ODAPH: variants seen among roughly 807,000 people sequenced by gnomAD.
ODAPH encodes amelogenesis imperfecta type IIA4.
Under a neutral mutation model 2.8 loss-of-function variants are expected in ODAPH, and 2 were observed. The observed-to-expected ratio is 0.72, with a 90% CI of 0.30 to 2.28. The LOEUF (loss-of-function observed/expected upper bound fraction) is 2.28, where lower values mean the gene tolerates loss of function less well. ODAPH is among the 30% of genes most tolerant of loss of function. ODAPH has a pLI of 0.13. For synonymous variants in ODAPH, 75 were observed against 60.3 expected, an observed-to-expected ratio of 1.24 and a Z score of -1.13; for missense variants, 159 against 163.3, an observed-to-expected ratio of 0.97 and a Z score of 0.14.
In ODAPH at chr4:75,564,461, T is replaced by C. The variant is rs1410730483; in HGVS notation, c.*22T>C. On this transcript the variant is annotated 3_prime_UTR_variant, in exon 2 of 2. Coordinates refer to ENST00000311623, the MANE Select transcript of ODAPH (RefSeq NM_178497.5). Reference sequence around the variant, plus strand: ...CTGAGAGGGAAGAGAAACCCAAACATACTGAAGCAAAAAAAAGCCTATCCT... The same window carrying C: ...CTGAGAGGGAAGAGAAACCCAAACACACTGAAGCAAAAAAAAGCCTATCCT... The C allele has an allele frequency of 3.7e-6, 6 of 1,613,606 alleles. No homozygotes were observed. The African/African-American group carries it at 6.7e-5, about 18-fold the overall frequency.
chr4:75,564,766 C>T lies in ODAPH; in HGVS notation c.*327C>T, dbSNP rs1191493606. On this transcript the variant is annotated 3_prime_UTR_variant, in exon 2 of 2. Transcript: ENST00000311623. ...ACTAAGATGCTGAGAGAATCCATCT[C>T]CTCCTCTAAATTAAACAGGATTTAA... The T allele has an allele frequency of 7.7e-6, 4 of 518,760 alleles. No homozygotes were observed. The highest frequency in any genetic ancestry group is 4.4e-5 in the South Asian group (2 of 45,528). 32.1% of individuals were successfully genotyped at this position (518,760 alleles called of 1,614,324 possible).
chr4:75,556,194 A>G lies in ODAPH; in HGVS notation c.67+45A>G, dbSNP rs1727332808. The G allele has an allele frequency of 2.5e-6, 4 of 1,580,054 alleles. No homozygotes were observed. The South Asian group carries it at 4.4e-5, about 17-fold the overall frequency. ...TCTACTGTGGGTCCACTAATTAATAAGTTGTAGGAAAAGACAAAACTGGCT... is the reference window on the plus strand; with the variant it reads ...TCTACTGTGGGTCCACTAATTAATAGGTTGTAGGAAAAGACAAAACTGGCT... On this transcript the variant is annotated intron_variant, in intron 1 of 1. Coordinates refer to ENST00000311623, the MANE Select transcript of ODAPH (RefSeq NM_178497.5).
At chr4:75,559,504 T>C (rs1727477702) in intron 1 of ODAPH, among the ~76,000 whole-genome samples, 1 of 152,226 alleles carries the variant, frequency 6.6e-6, no homozygotes, top group East Asian at 1.9e-4. Flanking sequence ...GTTCACCCAG[T>C]TATGAAATGG....
chr4:75,559,802 G>A lies in ODAPH; in HGVS notation c.67+3653G>A, dbSNP rs1027142045. Among the ~76,000 whole-genome samples, 3 of 152,194 alleles carry A rather than the reference G, an allele frequency of 2.0e-5. No individual in the cohort carries two copies. In the South Asian group the frequency reaches 6.2e-4, roughly 32 times the overall value. On this transcript the variant is annotated intron_variant, in intron 1 of 1. Transcript: ENST00000311623. ...TCTCAATCAATTCAATTGTACTGGA[G>A]GCACCGTGCTAGGGATGAGGAGGCA...
Position 75,564,161 on chromosome 4 carries a change from G to T in ODAPH, c.115G>T (p.Asp39Tyr). ...TCCTGGAGATTCACAAAATAATGCG[G>T]ACGCTACCGACTGCCAGATCTTTAC... Reference protein sequence around the residue: ...TPPGDSQNNADATDCQIFTLT... With the variant: ...TPPGDSQNNAYATDCQIFTLT... Residue 39 changes from aspartate (D) to tyrosine (Y), a missense_variant, in exon 2 of 2, where the codon GAC becomes TAC. Physicochemically the swap from Asp to Tyr is radical, Grantham distance 160. Transcript: ENST00000311623. 6.2e-7 allele frequency: 1 copy of T among 1,614,172 alleles called. No homozygotes were observed. Among genetic ancestry groups the T allele is most frequent in the Non-Finnish European group, 8.5e-7 (1 of 1,180,044 alleles).
chr4:75,565,889 T>C (rs1727796815), downstream of ODAPH: 1 of 152,208 alleles, frequency 6.6e-6, no homozygotes, highest in African/African-American at 2.4e-5. Context: ...AAAAAAACTA[T>C]TTAATTCACA....
At chr4:75,561,090 G>A (rs1727550295) in intron 1 of ODAPH, among the ~76,000 whole-genome samples, 1 of 152,086 alleles carries the variant, frequency 6.6e-6, no homozygotes. Context: ...CGGGCGTGGT[G>A]GCGCGCGCCT....
chr4:75,558,782 G>A (rs1175388126), intron 1 of ODAPH, among the ~76,000 whole-genome samples: 2 of 152,078 alleles, frequency 1.3e-5, no homozygotes, highest in East Asian at 3.9e-4. Context: ...TGCAACCTCC[G>A]CCTCCTGGGT....
At chr4:75,559,295 A>T (rs998521847) in intron 1 of ODAPH, among the ~76,000 whole-genome samples, 6 of 152,236 alleles carry the variant, frequency 3.9e-5, no homozygotes, top group African/African-American at 1.4e-4. Context: ...AGGCTAACAG[A>T]ATGTTTCCAT....
downstream of ODAPH, chr4:75,565,472 T>G (rs573623022): frequency 6.6e-6 from 1 of 152,294 alleles, no homozygotes; most frequent in Admixed American, 6.5e-5. Flanking sequence ...AAATGCCTGA[T>G]TAAACTGCTA....
chr4:75,557,421 C>T (rs1425255604), intron 1 of ODAPH, among the ~76,000 whole-genome samples: 2 of 152,166 alleles, frequency 1.3e-5, no homozygotes, highest in African/African-American at 4.8e-5. Flanking sequence ...GGGCAGATCA[C>T]CTGAGGTCGG....
chr4:75,564,538 A>G lies in ODAPH; in HGVS notation c.*99A>G, dbSNP rs1385637507. 16 of 1,601,534 alleles carry G rather than the reference A, an allele frequency of 1.0e-5. No homozygotes were observed. The highest frequency in any genetic ancestry group is 1.4e-5 in the Non-Finnish European group (16 of 1,176,168). On this transcript the variant is annotated 3_prime_UTR_variant, in exon 2 of 2. Coordinates refer to ENST00000311623, the MANE Select transcript of ODAPH (RefSeq NM_178497.5). ...TGTTTTATCTTTCGAAACTAAAACTATTGGATTTGAAGATTAAGTATCCTA... is the reference window on the plus strand; with the variant it reads ...TGTTTTATCTTTCGAAACTAAAACTGTTGGATTTGAAGATTAAGTATCCTA...
chr4:75,561,833 G>A (rs1179499417), intron 1 of ODAPH, among the ~76,000 whole-genome samples: 1 of 152,120 alleles, frequency 6.6e-6, no homozygotes, highest in African/African-American at 2.4e-5. Context: ...GGGAACAGAT[G>A]GAGACTCCGT....
chr4:75,564,584 G>A lies in ODAPH; in HGVS notation c.*145G>A. 3.3e-6 allele frequency: 5 copies of A among 1,520,838 alleles called. No homozygotes were observed. Among genetic ancestry groups the A allele is most frequent in the Non-Finnish European group, 4.4e-6 (5 of 1,134,132 alleles). 94.2% of individuals were successfully genotyped at this position (1,520,838 alleles called of 1,614,324 possible). Reference sequence around the variant, plus strand: ...TCCTAAACATCACTGACTAGAAACTGTTCTCTTTGTCAGCAGTGAAGATAT... The same window carrying A: ...TCCTAAACATCACTGACTAGAAACTATTCTCTTTGTCAGCAGTGAAGATAT... On this transcript the variant is annotated 3_prime_UTR_variant, in exon 2 of 2. Coordinates refer to ENST00000311623, the MANE Select transcript of ODAPH (RefSeq NM_178497.5).
At chr4:75,561,497 T>C (rs1344552726) in intron 1 of ODAPH, among the ~76,000 whole-genome samples, 1 of 151,952 alleles carries the variant, frequency 6.6e-6, no homozygotes, top group African/African-American at 2.4e-5. Flanking sequence ...TGGAGGTAGA[T>C]TGATTATTAT....
intron 1 of ODAPH, among the ~76,000 whole-genome samples, chr4:75,561,781 A>C (rs1237388044): frequency 6.6e-6 from 1 of 151,842 alleles, no homozygotes; most frequent in Non-Finnish European, 1.5e-5. Context: ...CAGGAGGTGG[A>C]GGCTGCAGTG....
chr4:75,556,616 T>C, intron 1 of ODAPH: 2 of 1,503,630 alleles, frequency 1.3e-6, no homozygotes, highest in Non-Finnish European at 1.8e-6. Context: ...ATTGCTTTAA[T>C]TAATCACATC....
rs182522102 is a variant in ODAPH at position 75,559,106 on chromosome 4, C to T, written c.67+2957C>T. ...ATTCAAGGTCGGCCTGACCATTTAA[C>T]TCATCAAGTATTTACTGAGCACCAC... On this transcript the variant is annotated intron_variant, in intron 1 of 1. Transcript: ENST00000311623. Among the ~76,000 whole-genome samples the T allele has an allele frequency of 1.5e-3, 236 of 152,300 alleles. 1 individual carries two copies. Among genetic ancestry groups the T allele is most frequent in the African/African-American group, 5.3e-3 (222 of 41,568 alleles).
chr4:75,557,405 C>T (rs1241744251), intron 1 of ODAPH, among the ~76,000 whole-genome samples: 7 of 152,090 alleles, frequency 4.6e-5, no homozygotes, highest in African/African-American at 1.7e-4. Context: ...TTTGGGAGGC[C>T]GAGGTGGGCA....
Sources: allele counts gnomAD v4.1 joint callset (sites outside exome capture counted in the v4.1 genomes callset), GRCh38; gene constraint gnomAD v4.1.1; transcripts MANE v1.5; gene names NCBI Gene and HGNC (gene_info 2026-07-23, HGNC 2026-07-21).